The following TBC1D9B variants were observed in gnomAD, a reference collection of about 807,000 sequenced individuals.
The protein encoded by TBC1D9B is TBC1 domain family, member 9B (with GRAM domain).
A neutral mutation model predicts 121.1 loss-of-function variants in TBC1D9B; 87 were observed. That is an observed-to-expected ratio of 0.72 (90% CI 0.60 to 0.86). The LOEUF (loss-of-function observed/expected upper bound fraction) is 0.86, where lower values mean the gene tolerates loss of function less well. TBC1D9B is among the 40% of genes least tolerant of loss of function. The pLI, the probability that TBC1D9B is intolerant of heterozygous loss-of-function variation, is 0.00. For missense variants in TBC1D9B, 1,540 were observed against 1,628.6 expected (o/e 0.95, Z 0.94); for synonymous variants, 668 against 670.1 (o/e 1.00, Z 0.05).
At chr5:179,878,558 T>C in intron 9 of TBC1D9B, 35 bp from the exon 10 acceptor site, 2 of 1,557,760 alleles carry the variant, frequency 1.3e-6, no homozygotes, top group Non-Finnish European at 1.7e-6. Flanking sequence ...TCTCTGTCCT[T>C]CTTCTGGTAC....
At position 179,903,898 on chromosome 5, in the gene TBC1D9B, C is replaced by T. The variant is rs558322051; in HGVS notation, c.229+804G>A. Among the ~76,000 whole-genome samples the T allele has an allele frequency of 3.9e-5, 6 of 152,298 alleles. No homozygotes were observed. In the East Asian group the frequency reaches 7.7e-4, roughly 20 times the overall value. ...TGAGAGCTGAATCAAGAAGGCAGAGCGTCGTCCTGTTCTGCCTCAGCTGGG... is the reference window on the plus strand; with the variant it reads ...TGAGAGCTGAATCAAGAAGGCAGAGTGTCGTCCTGTTCTGCCTCAGCTGGG... On this transcript the variant is annotated intron_variant, in intron 2 of 20. Coordinates refer to ENST00000355235, the MANE Select transcript of TBC1D9B (RefSeq NM_015043.4).
Position 179,891,561 on chromosome 5 carries a change from C to A in TBC1D9B, c.862G>T (p.Glu288Ter). 1.2e-6 allele frequency: 2 copies of A among 1,613,640 alleles called. No homozygotes were observed. Among genetic ancestry groups the A allele is most frequent in the Non-Finnish European group, 1.7e-6 (2 of 1,179,954 alleles). The change falls in exon 6 of 21, where the codon GAG becomes TAG. Residue 288 changes from glutamate (E) to a stop codon, truncating the protein, a stop_gained. Coordinates refer to ENST00000355235, the MANE Select transcript of TBC1D9B (RefSeq NM_015043.4). LOFTEE classifies it high-confidence loss of function. This position sits in a 1 kb window ranked among gnomAD's most constrained non-coding sequence, Gnocchi z 4.3. Reference sequence around the variant, plus strand: ...AGCCGGAACGTGGCTCGGTAGCACTCATTCTTGGCTCGGGCGTCCAGGTCT... The same window carrying A: ...AGCCGGAACGTGGCTCGGTAGCACTAATTCTTGGCTCGGGCGTCCAGGTCT... ...KRDLDARAKN[E>*]CYRATFRLPR...
At position 179,862,249 on chromosome 5, in the gene TBC1D9B, C is replaced by T. The variant is rs1437350762; in HGVS notation, c.*1199G>A. On this transcript the variant is annotated 3_prime_UTR_variant, in exon 21 of 21. Coordinates refer to ENST00000355235, the MANE Select transcript of TBC1D9B (RefSeq NM_015043.4). The stretch of plus-strand genomic sequence containing the variant: ...CTGGTTTTAGATATCCACTGTATCC[C>T]CTGTGGATAAGGGGGTAACTGCTGT... The T allele has an allele frequency of 3.8e-5, 9 of 237,706 alleles. No individual in the cohort carries two copies. Among genetic ancestry groups the T allele is most frequent in the Non-Finnish European group, 6.3e-5 (7 of 110,698 alleles). 14.7% of individuals were successfully genotyped at this position (237,706 alleles called of 1,614,324 possible).
rs552682820 is a variant in TBC1D9B, at chr5:179,885,130, T to C, written c.1254+2973A>G. Among the ~76,000 whole-genome samples, 4 of 152,272 alleles carry C rather than the reference T, an allele frequency of 2.6e-5. No homozygotes were observed. In the South Asian group the frequency reaches 8.3e-4, roughly 32 times the overall value. ...TGCTTCTATTCTTGCCACTCTCTAG[T>C]CCAGCACTGCCCAAGAGAGATGATG... On this transcript the variant is annotated intron_variant, in intron 7 of 20. Coordinates refer to ENST00000355235, the MANE Select transcript of TBC1D9B (RefSeq NM_015043.4). The surrounding 1 kb of genome is among the most constrained non-coding windows in gnomAD (Gnocchi z 4.5).
chr5:179,883,348 G>A (rs1054874246), intron 7 of TBC1D9B, among the ~76,000 whole-genome samples: 1 of 152,168 alleles, frequency 6.6e-6, no homozygotes, highest in Non-Finnish European at 1.5e-5. Context: ...TGGGAAGGGT[G>A]TGGGATGGCA....
chr5:179,891,545 G>A lies in TBC1D9B; in HGVS notation c.878C>T (p.Thr293Met), dbSNP rs759776843. Residue 293 changes from threonine to methionine, a missense_variant, in exon 6 of 21, where the codon ACG (threonine) becomes ATG (methionine). Thr to Met is a moderately conservative substitution (Grantham distance 81). Transcript: ENST00000355235. The surrounding 1 kb of genome is among the most constrained non-coding windows in gnomAD (Gnocchi z 4.3). ...ARAKNECYRA[T>M]FRLPRDERLD... ...CCGCTCATCCCTGGGCAGCCGGAAC[G>A]TGGCTCGGTAGCACTCATTCTTGGC... 4 of 1,613,842 alleles carry A rather than the reference G, an allele frequency of 2.5e-6. No homozygotes were observed. The highest frequency in any genetic ancestry group is 2.2e-5 in the South Asian group (2 of 91,072).
chr5:179,867,030 G>C (rs1275380368), intron 18 of TBC1D9B: 1 of 191,218 alleles, frequency 5.2e-6, no homozygotes, highest in African/African-American at 2.3e-5. Context: ...CACTCAACAT[G>C]CGTGTTTTTC....
chr5:179,873,657 G>T (rs1760269811), intron 12 of TBC1D9B, among the ~76,000 whole-genome samples: 1 of 152,196 alleles, frequency 6.6e-6, no homozygotes, highest in African/African-American at 2.4e-5. Flanking sequence ...AGTCGCAGGA[G>T]AAAGTCAGGT....
rs943921456 is a variant in TBC1D9B, at chr5:179,875,488, T to G, written c.1901-301A>C. On this transcript the variant is annotated intron_variant, in intron 11 of 20. Transcript: ENST00000355235. This position sits in a 1 kb window ranked among gnomAD's most constrained non-coding sequence, Gnocchi z 4.5. ...CACCCTCAATGACTCTGTCCCATCC[T>G]GATGATTGTGAATAGACGCAGCTCT... 6.6e-6 allele frequency among the ~76,000 whole-genome samples: 1 copy of G among 152,244 alleles called. No homozygotes were observed. Among genetic ancestry groups the G allele is most frequent in the African/African-American group, 2.4e-5 (1 of 41,454 alleles).
At position 179,890,028 on chromosome 5, in the gene TBC1D9B, G is replaced by T. The variant is rs750033132; in HGVS notation, c.1044+1351C>A. Among the ~76,000 whole-genome samples, 1 of 152,050 alleles carries T rather than the reference G, an allele frequency of 6.6e-6. No individual in the cohort carries two copies. Among genetic ancestry groups the T allele is most frequent in the Non-Finnish European group, 1.5e-5 (1 of 68,004 alleles). Reference sequence around the variant, plus strand: ...AGACATGCTGTAGGGAGGAGGGAGAGGTCGGAATCTAGGCCGATACGTGGC... The same window carrying T: ...AGACATGCTGTAGGGAGGAGGGAGATGTCGGAATCTAGGCCGATACGTGGC... On this transcript the variant is annotated intron_variant, in intron 6 of 20. Coordinates refer to ENST00000355235, the MANE Select transcript of TBC1D9B (RefSeq NM_015043.4). The surrounding 1 kb of genome is among the most constrained non-coding windows in gnomAD (Gnocchi z 5.0).
At chr5:179,873,075 C>A (rs1429409459) in intron 13 of TBC1D9B, 44 bp downstream of exon 13, 1 of 1,612,112 alleles carries the variant, frequency 6.2e-7, no homozygotes, top group Non-Finnish European at 8.5e-7. Context: ...AACCCACATG[C>A]CAGATGGAGC....
intron 7 of TBC1D9B, among the ~76,000 whole-genome samples, chr5:179,880,878 C>T (rs1031221520): frequency 1.3e-5 from 2 of 152,210 alleles, no homozygotes; most frequent in African/African-American, 4.8e-5. Flanking sequence ...GGCACGGCCC[C>T]AGCGCAGACT....
chr5:179,878,732 C>T (rs151211130), intron 9 of TBC1D9B, among the ~76,000 whole-genome samples: 5 of 152,300 alleles, frequency 3.3e-5, no homozygotes, highest in African/African-American at 9.6e-5. Context: ...CCAGCAACCA[C>T]GGGTGTGAAT....
rs756880776 is a variant in TBC1D9B at position 179,894,646 on chromosome 5, CT to C, written c.349-33del. On this transcript the variant is annotated intron_variant, in intron 3 of 20. Coordinates refer to ENST00000355235, the MANE Select transcript of TBC1D9B (RefSeq NM_015043.4). ...GAAGGCAAGAGGACAAGGGCTTGCC[CT>C]GCACAGTCCCGGACAGGTCAAAGGG... The C allele has an allele frequency of 3.1e-6, 5 of 1,610,188 alleles. No individual in the cohort carries two copies. In the South Asian group the frequency reaches 5.5e-5, roughly 18 times the overall value.
chr5:179,879,012 T>A (rs745485924), intron 9 of TBC1D9B, 35 bp downstream of exon 9: 2 of 1,592,912 alleles, frequency 1.3e-6, no homozygotes, highest in East Asian at 4.5e-5. Context: ...ACTGACTGGC[T>A]GAGCTGAGGC....
In TBC1D9B at chr5:179,863,584, G is replaced by A; in HGVS notation, c.3566C>T (p.Ser1189Phe). Residue 1189 changes from serine (S) to phenylalanine (F), a missense_variant, in exon 21 of 21, where the codon TCC becomes TTC. Coordinates refer to ENST00000355235, the MANE Select transcript of TBC1D9B (RefSeq NM_015043.4). This position sits in a 1 kb window ranked among gnomAD's most constrained non-coding sequence, Gnocchi z 4.5. The part of the protein sequence containing the change: ...WCISFEQILA[S>F]ILTESVLVNF... ...CACCAGCACGGACTCCGTCAGGATG[G>A]AGGCCAGGATCTGCTCAAAGGAGAT... 1 of 1,614,190 alleles carries A rather than the reference G, an allele frequency of 6.2e-7. No homozygotes were observed. The highest frequency in any genetic ancestry group is 1.1e-5 in the South Asian group (1 of 91,086).
chr5:179,870,465 A>G lies in TBC1D9B; in HGVS notation c.2515T>C (p.Cys839Arg). The G allele has an allele frequency of 6.2e-7, 1 of 1,611,572 alleles. No homozygotes were observed. The highest frequency in any genetic ancestry group is 1.7e-4 in the Middle Eastern group (1 of 6,052). Reference sequence around the variant, plus strand: ...CGACGGCCGGCCATTGTGCGGCTGCACCCCCAGTACTGGCTAGCCAGGTGC... The same window carrying G: ...CGACGGCCGGCCATTGTGCGGCTGCGCCCCCAGTACTGGCTAGCCAGGTGC... ...AKHLASQYWG[C>R]SRTMAGRRDP... Residue 839 changes from cysteine (C) to arginine (R), a missense_variant, in exon 16 of 21, where the codon TGC becomes CGC. By Grantham distance (180) the Cys-to-Arg change is radical (BLOSUM62 -3). Coordinates refer to ENST00000355235, the MANE Select transcript of TBC1D9B (RefSeq NM_015043.4).
chr5:179,864,386 C>T (rs1759943474), intron 20 of TBC1D9B, among the ~76,000 whole-genome samples: 1 of 152,184 alleles, frequency 6.6e-6, no homozygotes, highest in Admixed American at 6.5e-5. Flanking sequence ...TGGGGCCTCC[C>T]TGTTTCTAGG....
rs1170591605 is a variant in TBC1D9B, at chr5:179,865,840, C to T, written c.2912G>A (p.Gly971Glu). ...EQEGSGSEER[G>E]EEKGTSSPDY... ...CAGCGGCAGAGAATGGCCTGTACCT[C>T]CTCTCTCCTCACTTCCACTTCCTTC... Residue 971 changes from glycine to glutamate, a missense_variant and splice_region_variant, in exon 19 of 21, where the codon GGA (glycine) becomes GAA (glutamate). Physicochemically the swap from Gly to Glu is moderately conservative, Grantham distance 98. Transcript: ENST00000355235. The surrounding 1 kb of genome is among the most constrained non-coding windows in gnomAD (Gnocchi z 5.1). 1 of 1,607,252 alleles carries T rather than the reference C, an allele frequency of 6.2e-7. No homozygotes were observed. Among genetic ancestry groups the T allele is most frequent in the East Asian group, 2.2e-5 (1 of 44,854 alleles).
Sources: allele counts gnomAD v4.1 joint callset (sites outside exome capture counted in the v4.1 genomes callset), GRCh38; gene constraint gnomAD v4.1.1; non-coding constraint Gnocchi (gnomAD v3.1); transcripts MANE v1.5; gene names NCBI Gene and HGNC (gene_info 2026-07-23, HGNC 2026-07-21).